KLRF1: variants seen among roughly 807,000 people sequenced by gnomAD.
The protein encoded by KLRF1 is killer cell lectin like receptor F1.
Under a neutral mutation model 30.7 loss-of-function variants are expected in KLRF1, and 27 were observed. The ratio of observed to expected loss-of-function variants is 0.88; its 90% CI spans 0.65 to 1.21. The LOEUF (loss-of-function observed/expected upper bound fraction) is 1.21, where lower values mean the gene tolerates loss of function less well. Among genes scored for constraint, KLRF1 ranks in the 50% most tolerant of loss-of-function variants. The probability of loss-of-function intolerance (pLI) is 0.00; values close to 1 mark genes in which losing one functional copy is unlikely to be tolerated. For missense variants in KLRF1, 246 were observed against 259.3 expected, an observed-to-expected ratio of 0.95 and a Z score of 0.35; for synonymous variants, 92 against 89.3, an observed-to-expected ratio of 1.03 and a Z score of -0.17.
At chr12:9,812,898 CTTATTCAT>C in the KLRF1 span, among the ~76,000 whole-genome samples, 1 of 152,158 alleles carries the variant, frequency 6.6e-6, no homozygotes, top group African/African-American at 2.4e-5. Flanking sequence ...AAATCAGTTA[CTTATTCAT>C]TTAATTTTGT....
At chr12:9,815,069 C>A in the KLRF1 span, among the ~76,000 whole-genome samples, 2 of 151,746 alleles carry the variant, frequency 1.3e-5, no homozygotes, top group Non-Finnish European at 1.5e-5. Flanking sequence ...ATTACACAAC[C>A]GATGCATGTA....
chr12:9,843,907 T>C (rs1332437147), intron 5 of KLRF1, among the ~76,000 whole-genome samples: 1 of 152,146 alleles, frequency 6.6e-6, no homozygotes, highest in Non-Finnish European at 1.5e-5. Context: ...ATACATAAAT[T>C]TGTTAATATT....
chr12:9,844,656 C>T lies in KLRF1; in HGVS notation c.*130C>T, dbSNP rs1867773910. On this transcript the variant is annotated 3_prime_UTR_variant, in exon 6 of 6. Coordinates refer to ENST00000617889, the MANE Select transcript of KLRF1 (RefSeq NM_016523.3). ...CAAAATCTCTTCTCCCTTCTCCCTC[C>T]ATCATCGACACTGGTCTAGCCTCAG... The T allele has an allele frequency of 1.8e-6, 1 of 569,342 alleles. No individual in the cohort carries two copies. The highest frequency in any genetic ancestry group is 2.0e-5 in the South Asian group (1 of 49,194). The allele number at this position is 569,342 out of a possible 1,614,324, so 35.3% of individuals were successfully genotyped here. A position where few individuals can be genotyped will look rare whatever the true frequency, so the allele number is the denominator to read the frequency against.
the KLRF1 span, among the ~76,000 whole-genome samples, chr12:9,810,519 C>T: frequency 6.6e-6 from 1 of 152,060 alleles, no homozygotes; most frequent in Non-Finnish European, 1.5e-5. Flanking sequence ...AAAATAGACT[C>T]CCCAAACAGT....
At chr12:9,843,333 G>A (rs545952507) in intron 5 of KLRF1, among the ~76,000 whole-genome samples, 80 of 152,278 alleles carry the variant, frequency 5.3e-4, no homozygotes, top group African/African-American at 1.9e-3. Context: ...ATACTCATAG[G>A]TGTAAGATAA....
chr12:9,834,113 T>G (rs1867515846), intron 3 of KLRF1, among the ~76,000 whole-genome samples: 1 of 147,818 alleles, frequency 6.8e-6, no homozygotes, highest in African/African-American at 2.7e-5. Flanking sequence ...GGGGGAGCTT[T>G]TTGAGCCACG....
intron 3 of KLRF1, among the ~76,000 whole-genome samples, chr12:9,840,131 T>C (rs1194976196): frequency 6.6e-6 from 1 of 152,142 alleles, no homozygotes; most frequent in Non-Finnish European, 1.5e-5. Context: ...ATTCCATTTA[T>C]ATGAAAGGTC....
chr12:9,814,717 C>T, the KLRF1 span, among the ~76,000 whole-genome samples: 1 of 152,352 alleles, frequency 6.6e-6, no homozygotes, highest in East Asian at 1.9e-4. Flanking sequence ...ACCGCCTTTC[C>T]ACCACCGCTG....
the KLRF1 span, among the ~76,000 whole-genome samples, chr12:9,816,733 C>CTT: frequency 1.5e-4 from 20 of 132,830 alleles, no homozygotes; most frequent in Non-Finnish European, 2.1e-4. Context: ...GCATTCTCTT[C>CTT]TTTTTTTTTT....
the KLRF1 span, among the ~76,000 whole-genome samples, chr12:9,813,739 G>A: frequency 0.073 from 11,077 of 152,202 alleles, 521 homozygotes; most frequent in East Asian, 0.23. Context: ...AGGGGAGGCA[G>A]GTAGCTCAGC....
chr12:9,831,504 T>C (rs1425888355), intron 1 of KLRF1, among the ~76,000 whole-genome samples: 1 of 152,156 alleles, frequency 6.6e-6, no homozygotes, highest in Non-Finnish European at 1.5e-5. Context: ...TCGGTTACAA[T>C]AGAGGATTCT....
upstream of KLRF1, among the ~76,000 whole-genome samples, chr12:9,825,613 A>G (rs1480773964): frequency 6.6e-6 from 1 of 152,220 alleles, no homozygotes; most frequent in Admixed American, 6.5e-5. Flanking sequence ...CAAATATTTC[A>G]TGACAAAGAT....
rs1867781468 is a variant in KLRF1 at position 9,844,995 on chromosome 12, G to A, written c.*469G>A. 1 of 152,102 alleles carries A rather than the reference G, an allele frequency of 6.6e-6. No homozygotes were observed. Among genetic ancestry groups the A allele is most frequent in the Non-Finnish European group, 1.5e-5 (1 of 68,050 alleles). The allele number at this position is 152,102 out of a possible 1,614,324, so 9.4% of individuals were successfully genotyped here. A position where few individuals can be genotyped will look rare whatever the true frequency, so the allele number is the denominator to read the frequency against. The stretch of plus-strand genomic sequence containing the variant: ...CTCAGCTACAATAAACATCCTGAAT[G>A]TTTTCTTAAATAGTAGCACCTTTAT... On this transcript the variant is annotated 3_prime_UTR_variant, in exon 6 of 6. Transcript: ENST00000617889.
chr12:9,809,609 A>G, the KLRF1 span, among the ~76,000 whole-genome samples: 1 of 152,160 alleles, frequency 6.6e-6, no homozygotes, highest in Non-Finnish European at 1.5e-5. Context: ...TACTGGCTCC[A>G]GAAGGCAGAA....
chr12:9,824,491 A>T (rs778013666), upstream of KLRF1, among the ~76,000 whole-genome samples: 1 of 152,200 alleles, frequency 6.6e-6, no homozygotes, highest in Non-Finnish European at 1.5e-5. Context: ...GCCAGCTGTA[A>T]TAAGCCCACA....
chr12:9,842,292 G>C (rs754332517), intron 4 of KLRF1, 29 bp from the exon 5 acceptor site: 3 of 1,603,934 alleles, frequency 1.9e-6, no homozygotes, highest in African/African-American at 2.7e-5. Flanking sequence ...AAAATATTTT[G>C]TTCATTTAGT....
upstream of KLRF1, among the ~76,000 whole-genome samples, chr12:9,822,701 A>G (rs577397891): frequency 3.3e-5 from 5 of 152,180 alleles, no homozygotes; most frequent in Admixed American, 6.5e-5. Flanking sequence ...TCAAAGCTCA[A>G]TGGTATGCTA....
chr12:9,819,055 T>A, the KLRF1 span, among the ~76,000 whole-genome samples: 2 of 152,138 alleles, frequency 1.3e-5, no homozygotes, highest in Non-Finnish European at 2.9e-5. Flanking sequence ...ACTGAGCACC[T>A]GGGGGAGCAC....
At chr12:9,808,326 T>G in the KLRF1 span, among the ~76,000 whole-genome samples, 2 of 152,138 alleles carry the variant, frequency 1.3e-5, no homozygotes, top group Non-Finnish European at 2.9e-5. Flanking sequence ...AAATAATTGG[T>G]CTAAAATAAA....
Sources: gnomAD v4.1 joint callset for allele counts (sites outside exome capture counted in the v4.1 genomes callset) on GRCh38, gnomAD v4.1.1 for gene constraint, MANE v1.5 for transcripts, NCBI Gene and HGNC (gene_info 2026-07-23, HGNC 2026-07-21) for gene names.